LYPD1: variants seen among roughly 807,000 people sequenced by gnomAD.
The protein encoded by LYPD1 is ly6/PLAUR domain-containing protein 1.
A neutral mutation model predicts 14.2 loss-of-function variants in LYPD1; 14 were observed. The observed-to-expected ratio is 0.99, with a 90% CI of 0.65 to 1.54. LYPD1 has a LOEUF of 1.54. LYPD1 is among the 40% of genes most tolerant of loss of function. The pLI, the probability that LYPD1 is intolerant of heterozygous loss-of-function variation, is 0.00. For missense variants in LYPD1, 165 were observed against 175.7 expected, an observed-to-expected ratio of 0.94 and a Z score of 0.34; for synonymous variants, 85 against 70.6, an observed-to-expected ratio of 1.20 and a Z score of -1.02.
chr2:132,650,860 G>A (rs1055382044), intron 2 of LYPD1, among the ~76,000 whole-genome samples: 1 of 152,104 alleles, frequency 6.6e-6, no homozygotes, highest in Non-Finnish European at 1.5e-5. Flanking sequence ...TTTGCAAGTG[G>A]GGAAACTGAG....
At chr2:132,646,814 G>A (rs1293385273) in intron 2 of LYPD1, among the ~76,000 whole-genome samples, 1 of 152,168 alleles carries the variant, frequency 6.6e-6, no homozygotes, top group African/African-American at 2.4e-5. Context: ...AGTTTTCCAC[G>A]GGATTTAGTG....
intron 2 of LYPD1, among the ~76,000 whole-genome samples, chr2:132,659,811 C>A (rs145954595): frequency 1.3e-5 from 2 of 152,216 alleles, no homozygotes; most frequent in Non-Finnish European, 2.9e-5. Flanking sequence ...CACTGGGTGG[C>A]AGACTAGTCA....
intron 2 of LYPD1, among the ~76,000 whole-genome samples, chr2:132,666,336 TCCGTTTGGCTTGTTTCTGTGGA>T (rs1394354228): frequency 6.6e-6 from 1 of 152,198 alleles, no homozygotes; most frequent in Admixed American, 6.5e-5. Context: ...CAGAAACAGA[TCCGTTTGGCTTGTTTCTGTGGA>T]GTTTAGGCTT....
At chr2:132,662,680 G>A (rs1430176506) in intron 2 of LYPD1, among the ~76,000 whole-genome samples, 1 of 152,166 alleles carries the variant, frequency 6.6e-6, no homozygotes, top group Non-Finnish European at 1.5e-5. Flanking sequence ...GTATGTAAGG[G>A]AGGCAGATTT....
At chr2:132,647,494 GACTA>G (rs1280352795) in intron 2 of LYPD1, among the ~76,000 whole-genome samples, 1 of 152,100 alleles carries the variant, frequency 6.6e-6, no homozygotes, top group Admixed American at 6.5e-5. Context: ...CACCACACCC[GACTA>G]ACTTTTGTAG....
At chr2:132,653,464 G>C (rs961383125) in intron 2 of LYPD1, among the ~76,000 whole-genome samples, 1 of 152,202 alleles carries the variant, frequency 6.6e-6, no homozygotes, top group African/African-American at 2.4e-5. Context: ...ATAAGTATGT[G>C]CAGAAGAGAC....
chr2:132,670,114 C>T lies in LYPD1; in HGVS notation c.-182G>A. ...CCGCTCGCGGAGCCTGCATCGCCCG[C>T]GCTCGGGCTCCCGGCTGCGGGTCTC... is the stretch of plus-strand genomic sequence containing the variant. On this transcript the variant is annotated 5_prime_UTR_variant, in exon 1 of 3. Transcript: ENST00000397463. The surrounding 1 kb of genome is among the most constrained non-coding windows in gnomAD (Gnocchi z 4.5). 2 of 1,419,618 alleles carry T rather than the reference C, an allele frequency of 1.4e-6. No homozygotes were observed. The highest frequency in any genetic ancestry group is 3.0e-5 in the Admixed American group (1 of 33,718). 87.9% of individuals were successfully genotyped at this position (1,419,618 alleles called of 1,614,324 possible). A position where few individuals can be genotyped will look rare whatever the true frequency, so the allele number is the denominator to read the frequency against.
intron 1 of LYPD1, among the ~76,000 whole-genome samples, chr2:132,668,984 TTTTA>T (rs1683458379): frequency 6.6e-6 from 1 of 152,196 alleles, no homozygotes; most frequent in African/African-American, 2.4e-5. Context: ...TCTTTTTAGT[TTTTA>T]TTTATTTAAT....
At chr2:132,647,151 C>T (rs564688149) in intron 2 of LYPD1, among the ~76,000 whole-genome samples, 19 of 152,308 alleles carry the variant, frequency 1.2e-4, no homozygotes, top group Admixed American at 5.9e-4. Context: ...ACACCCTTAG[C>T]GTGTCAGCTT....
intron 2 of LYPD1, among the ~76,000 whole-genome samples, chr2:132,658,688 C>G (rs918923169): frequency 1.3e-5 from 2 of 152,194 alleles, no homozygotes; most frequent in Non-Finnish European, 2.9e-5. Context: ...GTTTAATTTG[C>G]CCAAACTGAA....
chr2:132,658,722 C>G (rs1256970291), intron 2 of LYPD1, among the ~76,000 whole-genome samples: 6 of 150,954 alleles, frequency 4.0e-5, no homozygotes, highest in Admixed American at 3.9e-4. Flanking sequence ...TATCCCTCAG[C>G]TGAAAGTCTA....
chr2:132,646,669 G>A, intron 2 of LYPD1: 1 of 166,286 alleles, frequency 6.0e-6, no homozygotes, highest in East Asian at 1.7e-4. Flanking sequence ...AGTGCTTCTA[G>A]ATTTTATCTC....
In LYPD1 at chr2:132,669,870, G is replaced by A. The variant is rs757541929; in HGVS notation, c.52+11C>T. The stretch of plus-strand genomic sequence containing the variant: ...ACCTGGCCTCGGCTGCTGGCCTCTG[G>A]GTATTCTCACCTGGAAGCAAGAACA... On this transcript the variant is annotated intron_variant, in intron 1 of 2. Coordinates refer to ENST00000397463, the MANE Select transcript of LYPD1 (RefSeq NM_144586.7). This position sits in a 1 kb window ranked among gnomAD's most constrained non-coding sequence, Gnocchi z 4.3. 5 of 1,612,432 alleles carry A rather than the reference G, an allele frequency of 3.1e-6. No homozygotes were observed. The East Asian group carries it at 6.7e-5, about 22-fold the overall frequency.
chr2:132,665,499 T>A (rs1288496540), intron 2 of LYPD1, among the ~76,000 whole-genome samples: 1 of 152,164 alleles, frequency 6.6e-6, no homozygotes, highest in Non-Finnish European at 1.5e-5. Flanking sequence ...ATATGAAAAA[T>A]GGCCTAAACT....
upstream of LYPD1, chr2:132,670,209 T>C: frequency 9.5e-7 from 1 of 1,047,870 alleles, no homozygotes; most frequent in East Asian, 3.9e-5. This position sits in a 1 kb window ranked among gnomAD's most constrained non-coding sequence, Gnocchi z 4.5. Flanking sequence ...CTGAAGGAAC[T>C]ACTGGCGATC....
chr2:132,671,487 A>T (rs1466804449), upstream of LYPD1: 1 of 152,076 alleles, frequency 6.6e-6, no homozygotes, highest in Non-Finnish European at 1.5e-5. Context: ...GGCTTAAATG[A>T]CTTTCTTTGT....
At chr2:132,658,498 G>A (rs1022825646) in intron 2 of LYPD1, among the ~76,000 whole-genome samples, 28 of 152,140 alleles carry the variant, frequency 1.8e-4, no homozygotes, top group Non-Finnish European at 1.0e-4. Context: ...TAGCTGCCTT[G>A]GCCTTCCACC....
At chr2:132,668,363 G>C (rs767619411) in intron 2 of LYPD1, 37 bp downstream of exon 2, 2 of 1,585,888 alleles carry the variant, frequency 1.3e-6, no homozygotes, top group African/African-American at 2.7e-5. Flanking sequence ...CCACAGCCCA[G>C]GCTTAAGAGC....
In LYPD1 at chr2:132,644,937, T is replaced by A; in HGVS notation, c.*1108A>T. ...ACAGTGTTAAATTCTCTCTTGCTTG[T>A]GGCAAAAGAAGCTGTCAAGTCCAAC... On this transcript the variant is annotated 3_prime_UTR_variant, in exon 3 of 3. Transcript: ENST00000397463. The A allele has an allele frequency of 1.4e-6, 1 of 727,134 alleles. No individual in the cohort carries two copies. The highest frequency in any genetic ancestry group is 2.2e-6 in the Non-Finnish European group (1 of 453,890). The allele number at this position is 727,134 out of a possible 1,614,324, so 45.0% of individuals were successfully genotyped here. A position where few individuals can be genotyped will look rare whatever the true frequency, so the allele number is the denominator to read the frequency against.
Sources: allele counts gnomAD v4.1 joint callset (sites outside exome capture counted in the v4.1 genomes callset), GRCh38; gene constraint gnomAD v4.1.1; non-coding constraint Gnocchi (gnomAD v3.1); transcripts MANE v1.5; gene names NCBI Gene and HGNC (gene_info 2026-07-23, HGNC 2026-07-21).